The following PADI3 variants were observed in gnomAD, a reference collection of about 807,000 sequenced individuals.
PADI3 encodes the protein peptidyl arginine deiminase 3.
Under a neutral mutation model 71.5 loss-of-function variants are expected in PADI3, and 53 were observed. That is an observed-to-expected ratio of 0.74 (90% CI 0.59 to 0.93). The LOEUF (loss-of-function observed/expected upper bound fraction) is 0.93, where lower values mean the gene tolerates loss of function less well. Among genes scored for constraint, PADI3 ranks in the 40% least tolerant of loss-of-function variants. PADI3 has a pLI of 0.00. For missense variants in PADI3, 821 were observed against 868.0 expected, an observed-to-expected ratio of 0.95 and a Z score of 0.68; for synonymous variants, 361 against 347.5, an observed-to-expected ratio of 1.04 and a Z score of -0.43.
intron 13 of PADI3, among the ~76,000 whole-genome samples, chr1:17,279,901 G>T (rs922764385): frequency 6.6e-6 from 1 of 152,160 alleles, no homozygotes; most frequent in Non-Finnish European, 1.5e-5. Context: ...CCCCTGAAGG[G>T]CAGGATTGGG....
At chr1:17,249,276 C>A in intron 1 of PADI3, 47 bp downstream of exon 1, 3 of 1,464,686 alleles carry the variant, frequency 2.0e-6, no homozygotes, top group Non-Finnish European at 2.9e-6. Context: ...GTGCTGATGC[C>A]CTTGGACCTT....
chr1:17,276,922 A>G (rs1167539734), intron 13 of PADI3, 46 bp downstream of exon 13: 6 of 1,503,672 alleles, frequency 4.0e-6, no homozygotes, highest in Non-Finnish European at 5.4e-6. Flanking sequence ...CCTGCCCCTT[A>G]CCCAAATTAA....
chr1:17,281,970 TA>T (rs2073407231), intron 15 of PADI3, among the ~76,000 whole-genome samples: 1 of 152,122 alleles, frequency 6.6e-6, no homozygotes, highest in Non-Finnish European at 1.5e-5. Flanking sequence ...CCTCATCCCC[TA>T]AAAGAACTCA....
At chr1:17,273,643 A>G (rs2073286996) in intron 10 of PADI3, among the ~76,000 whole-genome samples, 196 bp downstream of exon 10, 1 of 152,198 alleles carries the variant, frequency 6.6e-6, no homozygotes, top group Admixed American at 6.5e-5. Flanking sequence ...TTTTGGTGTA[A>G]GTACGTCCCA....
At chr1:17,268,941 A>G (rs1452782638) in intron 6 of PADI3, among the ~76,000 whole-genome samples, 4 of 145,726 alleles carry the variant, frequency 2.7e-5, no homozygotes, top group Non-Finnish European at 5.9e-5. Flanking sequence ...GCTGGAGTGC[A>G]GTGGCATGAT....
At chr1:17,274,491 C>G (rs1463942363) in intron 10 of PADI3, 144 bp from the exon 11 acceptor site, 3 of 668,588 alleles carry the variant, frequency 4.5e-6, no homozygotes, top group South Asian at 3.9e-5. Flanking sequence ...TCAGATCCCC[C>G]ACCCACCGCC....
chr1:17,283,134 G>A lies in PADI3; in HGVS notation c.*55G>A, dbSNP rs2073422245. On this transcript the variant is annotated 3_prime_UTR_variant, in exon 16 of 16. Transcript: ENST00000375460. ...TGGGGCGGGCATTGGCCCAGGTGGT[G>A]GAGACAGAGACAGGCCCCTGAACGA... The A allele has an allele frequency of 7.2e-7, 1 of 1,396,232 alleles. No homozygotes were observed. The highest frequency in any genetic ancestry group is 1.0e-6 in the Non-Finnish European group (1 of 989,598). The allele number at this position is 1,396,232 out of a possible 1,614,324, so 86.5% of individuals were successfully genotyped here.
chr1:17,268,886 CTTT>C (rs34487635), intron 6 of PADI3, among the ~76,000 whole-genome samples: 18 of 132,558 alleles, frequency 1.4e-4, no homozygotes, highest in South Asian at 2.4e-4. Flanking sequence ...CTAAATCTGA[CTTT>C]TTTTTTTTTT....
At chr1:17,272,156 C>T (rs2073263402) in intron 9 of PADI3, among the ~76,000 whole-genome samples, 1 of 152,160 alleles carries the variant, frequency 6.6e-6, no homozygotes, top group Non-Finnish European at 1.5e-5. Context: ...CTGGTAAAGG[C>T]AGTGCTAGGA....
intron 4 of PADI3, among the ~76,000 whole-genome samples, 189 bp from the exon 5 acceptor site, chr1:17,266,530 G>C (rs868820578): frequency 6.6e-6 from 1 of 152,366 alleles, no homozygotes; most frequent in Middle Eastern, 3.4e-3. Context: ...AGACAGCTCT[G>C]TGCTTTGGAC....
chr1:17,252,171 C>T (rs1450521228), intron 1 of PADI3, among the ~76,000 whole-genome samples: 4 of 152,094 alleles, frequency 2.6e-5, no homozygotes, highest in Non-Finnish European at 4.4e-5. Flanking sequence ...ATGCACTGGG[C>T]GTCTGGTGGC....
At chr1:17,265,420 G>A (rs1305022262) in intron 3 of PADI3, among the ~76,000 whole-genome samples, 1 of 151,672 alleles carries the variant, frequency 6.6e-6, no homozygotes, top group Non-Finnish European at 1.5e-5. Flanking sequence ...ATGCAGATAG[G>A]AAGTGGTCAG....
Position 17,274,715 on chromosome 1 carries a change from C to T in PADI3, c.1236C>T (p.Val412=). The part of the protein sequence containing the change: ...SGLDSFGNLE[V]SPPVVANGKE... ...TGGACTCCTTTGGGAACCTGGAGGT[C>T]AGCCCTCCAGTGGTGGCCAATGGGA... The change falls in exon 11 of 16, where the codon GTC becomes GTT. Residue 412 remains valine (V), a synonymous_variant. Coordinates refer to ENST00000375460, the MANE Select transcript of PADI3 (RefSeq NM_016233.2). 6.2e-7 allele frequency: 1 copy of T among 1,614,042 alleles called. No individual in the cohort carries two copies. Among genetic ancestry groups the T allele is most frequent in the Non-Finnish European group, 8.5e-7 (1 of 1,179,954 alleles).
intron 15 of PADI3, 31 bp from the exon 16 acceptor site, chr1:17,282,815 G>C: frequency 6.5e-7 from 1 of 1,541,034 alleles, no homozygotes; most frequent in Non-Finnish European, 8.9e-7. Context: ...GGAGCCCAGT[G>C]ATGAAGTGCT....
At chr1:17,265,492 C>A (rs1263101242) in intron 3 of PADI3, among the ~76,000 whole-genome samples, 167 bp from the exon 4 acceptor site, 1 of 144,812 alleles carries the variant, frequency 6.9e-6, no homozygotes, top group East Asian at 1.9e-4. Flanking sequence ...TGCTTCTTGC[C>A]TCAGGCCTCT....
At chr1:17,251,571 C>T (rs1557495228) in intron 1 of PADI3, among the ~76,000 whole-genome samples, 2 of 152,198 alleles carry the variant, frequency 1.3e-5, no homozygotes, top group African/African-American at 2.4e-5. Context: ...TGGGCACTGT[C>T]ATCATCGTCA....
At chr1:17,281,972 A>G (rs1569926673) in intron 15 of PADI3, among the ~76,000 whole-genome samples, 1 of 151,966 alleles carries the variant, frequency 6.6e-6, no homozygotes, top group Admixed American at 6.6e-5. Flanking sequence ...TCATCCCCTA[A>G]AAGAACTCAA....
chr1:17,259,608 G>A lies in PADI3; in HGVS notation c.123G>A (p.Glu41=), dbSNP rs1456818899. The A allele has an allele frequency of 5.0e-6, 8 of 1,611,900 alleles. No homozygotes were observed. The highest frequency in any genetic ancestry group is 5.9e-6 in the Non-Finnish European group (7 of 1,178,724). The change falls in exon 2 of 16, where the codon GAG becomes GAA. Residue 41 remains glutamate, a synonymous_variant. Coordinates refer to ENST00000375460, the MANE Select transcript of PADI3 (RefSeq NM_016233.2). The part of the protein sequence containing the change: ...GSVPEGTEMF[E]VYGTPGVDIY... ...TGCCTGAGGGCACAGAAATGTTTGA[G>A]GTCTATGGGACGCCTGGCGTGGACA...
chr1:17,270,539 TTGGGAGGCTGAGG>T, intron 7 of PADI3, 128 bp downstream of exon 7: 2 of 914,922 alleles, frequency 2.2e-6, no homozygotes, highest in Non-Finnish European at 3.2e-6. Context: ...TCCCAGTTAC[TTGGGAGGCTGAGG>T]TGGGAGGATC....
Sources: allele counts gnomAD v4.1 joint callset (sites outside exome capture counted in the v4.1 genomes callset), GRCh38; gene constraint gnomAD v4.1.1; transcripts MANE v1.5; gene names NCBI Gene and HGNC (gene_info 2026-07-23, HGNC 2026-07-21).